The following IGHMBP2 variants were observed in gnomAD, a reference collection of about 807,000 sequenced individuals.
The protein encoded by IGHMBP2 is immunoglobulin mu DNA binding protein 2, also known as DNA-binding protein SMUBP-2.
Under a neutral mutation model 96.0 loss-of-function variants are expected in IGHMBP2, and 81 were observed. The observed-to-expected ratio is 0.84, with a 90% CI of 0.71 to 1.01. IGHMBP2 has a LOEUF of 1.01. Among genes scored for constraint, IGHMBP2 ranks in the 50% least tolerant of loss-of-function variants. The pLI is 0.00. For synonymous variants in IGHMBP2, 557 were observed against 548.9 expected (o/e 1.01, Z -0.21); for missense variants, 1,227 against 1,306.3 (o/e 0.94, Z 0.94).
intron 6 of IGHMBP2, among the ~76,000 whole-genome samples, chr11:68,917,193 G>A (rs1858707198): frequency 6.6e-6 from 1 of 151,904 alleles, no homozygotes; most frequent in Non-Finnish European, 1.5e-5. Context: ...TGGCCAGGCT[G>A]GTCTCGATTT....
chr11:68,913,063 A>C (rs1858504427), intron 5 of IGHMBP2, among the ~76,000 whole-genome samples: 1 of 150,184 alleles, frequency 6.7e-6, no homozygotes, highest in African/African-American at 2.4e-5. Context: ...AAAAAAAAAA[A>C]AAAAACCAAA....
intron 8 of IGHMBP2, chr11:68,932,220 G>GT (rs138535194): frequency 0.013 from 2,044 of 152,768 alleles, 31 homozygotes; most frequent in Non-Finnish European, 0.021. Flanking sequence ...GGGGGAGGAC[G>GT]TTGGGTGACG....
chr11:68,912,268 A>G (rs1858469315), intron 5 of IGHMBP2, among the ~76,000 whole-genome samples: 1 of 151,992 alleles, frequency 6.6e-6, no homozygotes, highest in African/African-American at 2.4e-5. Flanking sequence ...AACAGCTGGG[A>G]TTATAGGCGT....
chr11:68,914,152 C>T (rs1858555486), intron 5 of IGHMBP2, among the ~76,000 whole-genome samples: 1 of 152,122 alleles, frequency 6.6e-6, no homozygotes, highest in African/African-American at 2.4e-5. Context: ...GAGGAAGAAA[C>T]TCACATAAAT....
In IGHMBP2 at chr11:68,910,026, C is replaced by A. The variant is rs1858369216; in HGVS notation, c.547+1395C>A. Among the ~76,000 whole-genome samples the A allele has an allele frequency of 3.3e-5, 5 of 152,176 alleles. No homozygotes were observed. In the South Asian group the frequency reaches 1.0e-3, roughly 31 times the overall value. ...AGTCACTGCCCATGATTTAACAGTCCTGTGAGTATTGGACTTGGCCCATTT... is the reference window on the plus strand; with the variant it reads ...AGTCACTGCCCATGATTTAACAGTCATGTGAGTATTGGACTTGGCCCATTT... On this transcript the variant is annotated intron_variant, in intron 4 of 14. Transcript: ENST00000255078.
At chr11:68,926,596 C>G (rs1859080405) in intron 7 of IGHMBP2, among the ~76,000 whole-genome samples, 2 of 151,996 alleles carry the variant, frequency 1.3e-5, no homozygotes, top group African/African-American at 4.8e-5. Context: ...AAAAATTATT[C>G]CTGTCTCTTT....
intron 6 of IGHMBP2, among the ~76,000 whole-genome samples, chr11:68,916,730 G>A (rs1271951598): frequency 1.3e-5 from 2 of 152,130 alleles, no homozygotes; most frequent in Admixed American, 6.5e-5. Flanking sequence ...TTGCATGGCA[G>A]CGTGGGGATG....
At chr11:68,933,749 C>A in intron 9 of IGHMBP2, 46 bp from the exon 10 acceptor site, 1 of 1,465,876 alleles carries the variant, frequency 6.8e-7, no homozygotes, top group Non-Finnish European at 9.5e-7. Flanking sequence ...GGCCTCAGTG[C>A]TGCACTGTGG....
Position 68,938,348 on chromosome 11 carries a change from G to A in IGHMBP2, c.2778G>A (p.Leu926=). 6.2e-7 allele frequency: 1 copy of A among 1,609,460 alleles called. No individual in the cohort carries two copies. Among genetic ancestry groups the A allele is most frequent in the Non-Finnish European group, 8.5e-7 (1 of 1,178,710 alleles). The change falls in exon 14 of 15, where the codon CTG becomes CTA. Residue 926 remains leucine (L), a synonymous_variant. Transcript: ENST00000255078. The part of the protein sequence containing the change: ...CSRRYCLSHH[L]PEIHGCGERA... ...GCCGCTACTGCCTCAGCCACCACCT[G>A]CCCGAGGTATGTCGGCCTCCCCTCC...
chr11:68,935,256 G>A, intron 11 of IGHMBP2, 43 bp from the exon 12 acceptor site: 1 of 1,611,852 alleles, frequency 6.2e-7, no homozygotes, highest in Non-Finnish European at 8.5e-7. Flanking sequence ...TTGCTGCGCT[G>A]GCATGGGTGG....
In IGHMBP2 at chr11:68,936,797, G is replaced by T. The variant is rs754559345; in HGVS notation, c.2317G>T (p.Gly773Trp). 6.2e-7 allele frequency: 1 copy of T among 1,613,952 alleles called. No homozygotes were observed. Among genetic ancestry groups the T allele is most frequent in the East Asian group, 2.2e-5 (1 of 44,886 alleles). ...GCACGGGCTGAGGCACGACAGTTCC[G>T]GGGAAGGGAAGAGGAGGTTCATCAC... ...EEHGLRHDSS[G>W]EGKRRFITVS... The change falls in exon 13 of 15, where the codon GGG becomes TGG. Residue 773 changes from glycine (G) to tryptophan (W), a missense_variant. This residue lies in a region of IGHMBP2 where 703 missense variants were observed against 770.3 expected (regional missense o/e 0.91). Coordinates refer to ENST00000255078, the MANE Select transcript of IGHMBP2 (RefSeq NM_002180.3).
chr11:68,931,149 TG>T (rs1467044423), intron 8 of IGHMBP2, among the ~76,000 whole-genome samples: 1 of 152,156 alleles, frequency 6.6e-6, no homozygotes, highest in East Asian at 1.9e-4. Flanking sequence ...TTCATGGCCC[TG>T]GGGCTTGGCT....
chr11:68,936,097 G>A (rs1456604766), intron 12 of IGHMBP2, 140 bp from the exon 13 acceptor site: 49 of 920,674 alleles, frequency 5.3e-5, no homozygotes, highest in Admixed American at 3.9e-4. Context: ...ACGGTGCCAC[G>A]CGTGGCCGGG....
At chr11:68,910,881 CAA>C (rs10599717) in intron 4 of IGHMBP2, among the ~76,000 whole-genome samples, 34,645 of 120,826 alleles carry the variant, frequency 0.29, 4,308 homozygotes, top group South Asian at 0.49. Flanking sequence ...GACTCCATCT[CAA>C]AAAAAAAAAA....
At chr11:68,912,807 A>T (rs1331181969) in intron 5 of IGHMBP2, among the ~76,000 whole-genome samples, 1 of 151,924 alleles carries the variant, frequency 6.6e-6, no homozygotes, top group African/African-American at 2.4e-5. Flanking sequence ...TGGGAGGCTG[A>T]GGCGGGTGGG....
chr11:68,905,363 C>T (rs1858148636), intron 1 of IGHMBP2, among the ~76,000 whole-genome samples: 1 of 152,196 alleles, frequency 6.6e-6, no homozygotes, highest in Non-Finnish European at 1.5e-5. Flanking sequence ...TGTCTCTGAG[C>T]CTTACTTACT....
intron 13 of IGHMBP2, 107 bp downstream of exon 13, chr11:68,937,198 G>A: frequency 1.5e-6 from 2 of 1,374,494 alleles, no homozygotes; most frequent in Non-Finnish European, 2.0e-6. Flanking sequence ...CCTCCTGGTG[G>A]CACCGTGCCC....
intron 4 of IGHMBP2, among the ~76,000 whole-genome samples, chr11:68,908,842 G>GTTTTT (rs770866695): frequency 7.4e-6 from 1 of 134,620 alleles, no homozygotes; most frequent in Non-Finnish European, 1.6e-5. Context: ...TTCCATTGAG[G>GTTTTT]TTTTTTTTTT....
rs1260502480 is a variant in IGHMBP2 at position 68,908,553 on chromosome 11, A to T, written c.469A>T (p.Lys157Ter). ...RLKKALIALK[K>*]YHSGPASSLI... ...TGGCAGAGCCCTGATTGCTCTAAAG[A>T]AGTATCATTCTGGCCCAGCCTCCTC... Residue 157 changes from lysine to a stop codon, truncating the protein, a stop_gained, in exon 4 of 15, where the codon AAG becomes TAG. Transcript: ENST00000255078. LOFTEE classifies it high-confidence loss of function. 6.2e-7 allele frequency: 1 copy of T among 1,613,894 alleles called. No individual in the cohort carries two copies. Among genetic ancestry groups the T allele is most frequent in the Non-Finnish European group, 8.5e-7 (1 of 1,179,800 alleles).
Sources: gnomAD v4.1 joint callset for allele counts (sites outside exome capture counted in the v4.1 genomes callset) on GRCh38, gnomAD v4.1.1 for gene constraint, gnomAD v4.1.1 regional missense constraint, MANE v1.5 for transcripts, NCBI Gene and HGNC (gene_info 2026-07-23, HGNC 2026-07-21) for gene names.